Variants in EPHA3 observed in about 807,000 individuals in gnomAD.
The protein encoded by EPHA3 is EPH receptor A3, also known as ephrin type-A receptor 3.
A neutral mutation model predicts 107.1 loss-of-function variants in EPHA3; 42 were observed. That is an observed-to-expected ratio of 0.39 (90% CI 0.31 to 0.51). EPHA3 has a LOEUF of 0.51. EPHA3 is among the 20% of genes least tolerant of loss of function. The pLI is 0.78. For missense variants in EPHA3, 1,183 were observed against 1,211.2 expected, an observed-to-expected ratio of 0.98 and a Z score of 0.35; for synonymous variants, 461 against 424.8, an observed-to-expected ratio of 1.09 and a Z score of -1.05.
At chr3:89,198,478 C>A (rs1301898760) in intron 2 of EPHA3, among the ~76,000 whole-genome samples, 3 of 150,038 alleles carry the variant, frequency 2.0e-5, no homozygotes, top group Admixed American at 1.3e-4. Context: ...ACCCTTAAAT[C>A]TAGGCTCCTC....
At chr3:89,392,172 G>A (rs1708757116) in intron 5 of EPHA3, among the ~76,000 whole-genome samples, 1 of 152,130 alleles carries the variant, frequency 6.6e-6, no homozygotes, top group African/African-American at 2.4e-5. Flanking sequence ...GGGCGCAGTG[G>A]CTCACTCCTG....
intron 3 of EPHA3, among the ~76,000 whole-genome samples, chr3:89,330,556 T>C (rs1001397111): frequency 3.9e-5 from 6 of 152,200 alleles, no homozygotes; most frequent in Non-Finnish European, 5.9e-5. Flanking sequence ...AGTTAATTCC[T>C]CAGAATAGAA....
intron 13 of EPHA3, among the ~76,000 whole-genome samples, chr3:89,439,609 A>G (rs1199721552): frequency 6.6e-6 from 1 of 152,150 alleles, no homozygotes; most frequent in African/African-American, 2.4e-5. Context: ...ATGAATCACT[A>G]TAACTTTTAA....
At chr3:89,256,475 G>A (rs148733564) in intron 3 of EPHA3, among the ~76,000 whole-genome samples, 2,018 of 152,098 alleles carry the variant, frequency 0.013, 22 homozygotes, top group South Asian at 0.017. Context: ...GGAACCTGAG[G>A]CAGGAGAATC....
At chr3:89,351,939 A>G (rs1189920732) in intron 5 of EPHA3, among the ~76,000 whole-genome samples, 2 of 150,844 alleles carry the variant, frequency 1.3e-5, no homozygotes, top group Non-Finnish European at 3.0e-5. Context: ...AAAAAAAAAA[A>G]AAGTGGAGAA....
intron 2 of EPHA3, among the ~76,000 whole-genome samples, chr3:89,205,699 G>T (rs2107171694): frequency 6.6e-6 from 1 of 152,198 alleles, no homozygotes; most frequent in Non-Finnish European, 1.5e-5. Flanking sequence ...TGCTGAAGCT[G>T]TTACTGGTGG....
intron 2 of EPHA3, among the ~76,000 whole-genome samples, chr3:89,204,480 CCACACA>C (rs57892338): frequency 0.6 from 90,129 of 149,746 alleles, 28,405 homozygotes; most frequent in Non-Finnish European, 0.69. Context: ...ATTTGACACA[CCACACA>C]CACACACACA....
At chr3:89,233,942 G>T (rs1326076179) in intron 3 of EPHA3, among the ~76,000 whole-genome samples, 1 of 152,106 alleles carries the variant, frequency 6.6e-6, no homozygotes, top group Non-Finnish European at 1.5e-5. Flanking sequence ...CTTTGTGAAG[G>T]CAGGAAGTAT....
chr3:89,391,172 C>T (rs115696905), intron 5 of EPHA3, among the ~76,000 whole-genome samples: 2,424 of 151,934 alleles, frequency 0.016, 66 homozygotes, highest in African/African-American at 0.055. Context: ...ATGTCATGAT[C>T]GAAGAAACAT....
chr3:89,110,271 G>A (rs1707072880), intron 1 of EPHA3, among the ~76,000 whole-genome samples: 1 of 151,846 alleles, frequency 6.6e-6, no homozygotes, highest in Non-Finnish European at 1.5e-5. Flanking sequence ...TCTTCAATCT[G>A]TTATGAAGTT....
At chr3:89,433,668 G>A (rs1318194840) in intron 13 of EPHA3, among the ~76,000 whole-genome samples, 1 of 152,040 alleles carries the variant, frequency 6.6e-6, no homozygotes. Flanking sequence ...ACATAAAAAT[G>A]TTGTTCTTAA....
chr3:89,347,021 C>A (rs1357734469), intron 5 of EPHA3, among the ~76,000 whole-genome samples: 1 of 142,038 alleles, frequency 7.0e-6, no homozygotes, highest in Non-Finnish European at 1.6e-5. Context: ...GTTACTGTAG[C>A]CTTGTAGTAT....
intron 3 of EPHA3, among the ~76,000 whole-genome samples, chr3:89,251,300 C>T (rs1244283973): frequency 6.6e-6 from 1 of 151,818 alleles, no homozygotes; most frequent in Non-Finnish European, 1.5e-5. Context: ...AATCACCTAC[C>T]TGGGGGATTT....
chr3:89,297,881 A>G (rs1706396890), intron 3 of EPHA3, among the ~76,000 whole-genome samples: 1 of 152,132 alleles, frequency 6.6e-6, no homozygotes, highest in East Asian at 1.9e-4. Context: ...CTAAAAATAC[A>G]GAAACTAGCT....
At chr3:89,467,212 T>C (rs1474260513) in intron 15 of EPHA3, among the ~76,000 whole-genome samples, 1 of 152,198 alleles carries the variant, frequency 6.6e-6, no homozygotes, top group Admixed American at 6.5e-5. Flanking sequence ...TTTGAAATTT[T>C]AAAAAACAGT....
chr3:89,302,144 T>C (rs901345186), intron 3 of EPHA3, among the ~76,000 whole-genome samples: 3 of 152,122 alleles, frequency 2.0e-5, no homozygotes, highest in African/African-American at 4.8e-5. Context: ...ATCTTAATAA[T>C]TTTATGTTTA....
chr3:89,350,166 C>G (rs1707774988), intron 5 of EPHA3, among the ~76,000 whole-genome samples: 1 of 150,714 alleles, frequency 6.6e-6, no homozygotes, highest in Non-Finnish European at 1.5e-5. Context: ...GTTGGCCTGC[C>G]TTGCTAGATT....
chr3:89,119,591 A>G (rs1707333257), intron 1 of EPHA3, among the ~76,000 whole-genome samples: 1 of 152,078 alleles, frequency 6.6e-6, no homozygotes, highest in Non-Finnish European at 1.5e-5. Flanking sequence ...TCAAATTTGT[A>G]TTGTCATGAT....
At chr3:89,373,968 T>C (rs1708353839) in intron 5 of EPHA3, among the ~76,000 whole-genome samples, 1 of 151,770 alleles carries the variant, frequency 6.6e-6, no homozygotes, top group South Asian at 2.1e-4. Flanking sequence ...TAGGTGCTAT[T>C]CAATACTATA....
Sources: allele counts gnomAD v4.1 joint callset (sites outside exome capture counted in the v4.1 genomes callset), GRCh38; gene constraint gnomAD v4.1.1; transcripts MANE v1.5; gene names NCBI Gene and HGNC (gene_info 2026-07-23, HGNC 2026-07-21).